The following IREB2 variants were observed in gnomAD, a reference collection of about 807,000 sequenced individuals.
The protein encoded by IREB2 is iron responsive element binding protein 2, also known as iron-responsive element-binding protein 2.
A neutral mutation model predicts 118.8 loss-of-function variants in IREB2; 39 were observed. The ratio of observed to expected loss-of-function variants is 0.33; its 90% CI spans 0.25 to 0.43. The LOEUF (loss-of-function observed/expected upper bound fraction) is 0.43, where lower values mean the gene tolerates loss of function less well. Among genes scored for constraint, IREB2 ranks in the 20% least tolerant of loss-of-function variants. IREB2 has a pLI of 1.00. For synonymous variants in IREB2, 372 were observed against 392.2 expected (o/e 0.95, Z 0.61); for missense variants, 900 against 1,147.3 (o/e 0.78, Z 3.11).
chr15:78,492,360 A>G (rs981966168), intron 18 of IREB2, among the ~76,000 whole-genome samples: 2 of 72,432 alleles, frequency 2.8e-5, no homozygotes, highest in African/African-American at 1.1e-4. Context: ...ACACAATTTT[A>G]CCAAAAATTA....
chr15:78,498,874 GTGACTGTCTGGCAAGCCCCCAGA>G lies in IREB2; in HGVS notation c.*734_*756del, dbSNP rs2051888789. The stretch of plus-strand genomic sequence containing the variant: ...TTTCATATTTCAGCAGTTTGCCACT[GTGACTGTCTGGCAAGCCCCCAGA>G]TGGCGTTATATTAATTGGATTAGAT... On this transcript the variant is annotated 3_prime_UTR_variant, in exon 22 of 22. Transcript: ENST00000258886. 1 of 152,204 alleles carries G rather than the reference GTGACTGTCTGGCAAGCCCCCAGA, an allele frequency of 6.6e-6. No individual in the cohort carries two copies. The highest frequency in any genetic ancestry group is 6.5e-5 in the Admixed American group (1 of 15,274). 9.4% of individuals were successfully genotyped at this position (152,204 alleles called of 1,614,324 possible). A position where few individuals can be genotyped will look rare whatever the true frequency, so the allele number is the denominator to read the frequency against.
In IREB2 at chr15:78,473,171, A is replaced by G. The variant is rs1312339599; in HGVS notation, c.884-71A>G. The stretch of plus-strand genomic sequence containing the variant: ...TAAGATAAGCTCATGAAACACCTAG[A>G]GATTCAGATGTTACAGAGATAAATG... On this transcript the variant is annotated intron_variant, in intron 7 of 21. Coordinates refer to ENST00000258886, the MANE Select transcript of IREB2 (RefSeq NM_004136.4). The G allele has an allele frequency of 6.4e-6, 9 of 1,415,456 alleles. No individual in the cohort carries two copies. In the Admixed American group the frequency reaches 7.3e-5, roughly 11 times the overall value. 87.7% of individuals were successfully genotyped at this position (1,415,456 alleles called of 1,614,324 possible).
At chr15:78,472,632 G>A (rs2051399137) in intron 7 of IREB2, among the ~76,000 whole-genome samples, 2 of 152,168 alleles carry the variant, frequency 1.3e-5, no homozygotes, top group Admixed American at 1.3e-4. Context: ...CTCCCAAAGT[G>A]CTGGGATTAC....
intron 10 of IREB2, among the ~76,000 whole-genome samples, chr15:78,482,508 C>T (rs891340845): frequency 2.0e-5 from 3 of 152,148 alleles, no homozygotes; most frequent in Non-Finnish European, 2.9e-5. Context: ...GGAAAAAGAA[C>T]GCTTTCTCTG....
At chr15:78,496,638 A>G (rs2051842362) in intron 20 of IREB2, among the ~76,000 whole-genome samples, 1 of 152,072 alleles carries the variant, frequency 6.6e-6, no homozygotes, top group African/African-American at 2.4e-5. Context: ...TATATTGCCC[A>G]GGCTGGTCTC....
At chr15:78,475,990 A>G in intron 8 of IREB2, 198 bp from the exon 9 acceptor site, 2 of 413,630 alleles carry the variant, frequency 4.8e-6, no homozygotes, top group Non-Finnish European at 8.6e-6. Context: ...TAACAGTGAC[A>G]TTGGACCAGT....
At chr15:78,493,095 A>C (rs2051778573) in intron 18 of IREB2, among the ~76,000 whole-genome samples, 1 of 152,170 alleles carries the variant, frequency 6.6e-6, no homozygotes, top group East Asian at 1.9e-4. Flanking sequence ...ACTGGATCTG[A>C]CATGTGATTT....
chr15:78,471,993 T>G, intron 7 of IREB2, 69 bp downstream of exon 7: 1 of 1,242,550 alleles, frequency 8.0e-7, no homozygotes, highest in Non-Finnish European at 1.1e-6. Context: ...TAAAAGAACA[T>G]AAATTATTGA....
chr15:78,476,275 A>G lies in IREB2; in HGVS notation c.1111A>G (p.Ile371Val), dbSNP rs779301337. 31 of 1,610,468 alleles carry G rather than the reference A, an allele frequency of 1.9e-5. No homozygotes were observed. The highest frequency in any genetic ancestry group is 1.6e-4 in the African/African-American group (12 of 74,900). The change falls in exon 9 of 22, where the codon ATA becomes GTA. Residue 371 changes from isoleucine (I) to valine (V), a missense_variant. Coordinates refer to ENST00000258886, the MANE Select transcript of IREB2 (RefSeq NM_004136.4). ...ATTATCTATAGTTGATCGAACTACAATAGCAAACATGTGTCCGGAATATGG... is the reference window on the plus strand; with the variant it reads ...ATTATCTATAGTTGATCGAACTACAGTAGCAAACATGTGTCCGGAATATGG... ...SQLSIVDRTT[I>V]ANMCPEYGAI...
intron 2 of IREB2, among the ~76,000 whole-genome samples, chr15:78,443,813 A>AT (rs1341730259): frequency 6.6e-6 from 1 of 151,832 alleles, no homozygotes; most frequent in Non-Finnish European, 1.5e-5. Context: ...CATCCGGCTG[A>AT]TTTTTTATTT....
Position 78,478,372 on chromosome 15 carries a change from C to T in IREB2, c.1271C>T (p.Ser424Phe). The T allele has an allele frequency of 6.2e-7, 1 of 1,607,654 alleles. No homozygotes were observed. The highest frequency in any genetic ancestry group is 2.2e-5 in the East Asian group (1 of 44,852). ...AVKLFRNDQN[S>F]SGEPEYSQVI... Reference sequence around the variant, plus strand: ...AAATTGTTTCGAAATGACCAGAATTCTTCAGGAGAACCTGAATACTCCCAG... The same window carrying T: ...AAATTGTTTCGAAATGACCAGAATTTTTCAGGAGAACCTGAATACTCCCAG... The change falls in exon 10 of 22, where the codon TCT (serine) becomes TTT (phenylalanine). Residue 424 changes from serine to phenylalanine, a missense_variant. Transcript: ENST00000258886.
intron 20 of IREB2, among the ~76,000 whole-genome samples, chr15:78,496,360 A>G (rs1256879548): frequency 1.1e-4 from 17 of 151,902 alleles, no homozygotes; most frequent in Admixed American, 1.1e-3. Flanking sequence ...CTCCACTTAC[A>G]ACCTCAAGTG....
intron 5 of IREB2, among the ~76,000 whole-genome samples, chr15:78,467,792 G>T (rs1243901150): frequency 6.6e-6 from 1 of 152,058 alleles, no homozygotes; most frequent in Non-Finnish European, 1.5e-5. Context: ...TCACTATGTT[G>T]CCCATGCTGG....
intron 2 of IREB2, among the ~76,000 whole-genome samples, chr15:78,448,047 C>T (rs1207662978): frequency 1.3e-5 from 2 of 152,202 alleles, no homozygotes; most frequent in Non-Finnish European, 2.9e-5. Context: ...ATTCTGAGGA[C>T]GTGCCAGTAC....
intron 1 of IREB2, 199 bp downstream of exon 1, chr15:78,438,555 C>T (rs1416213799): frequency 1.2e-5 from 7 of 608,210 alleles, no homozygotes; most frequent in African/African-American, 3.8e-5. Flanking sequence ...GATCCCCACC[C>T]TCCTGCGCGA....
intron 13 of IREB2, 24 bp from the exon 14 acceptor site, chr15:78,487,708 CA>C: frequency 1.6e-6 from 2 of 1,271,642 alleles, no homozygotes; most frequent in Non-Finnish European, 2.3e-6. Context: ...ATGTGCTATT[CA>C]GTCACTTTTT....
chr15:78,473,423 ATTTTT>A (rs1243580406), intron 8 of IREB2, 42 bp downstream of exon 8: 2 of 1,560,682 alleles, frequency 1.3e-6, no homozygotes, highest in African/African-American at 2.7e-5. Context: ...ACTGAACATT[ATTTTT>A]ATAAAAATTG....
chr15:78,463,127 G>T, intron 3 of IREB2, 40 bp downstream of exon 3: 1 of 1,497,788 alleles, frequency 6.7e-7, no homozygotes, highest in South Asian at 1.3e-5. Flanking sequence ...AACTCTTAGA[G>T]TGTGTTTCCT....
At chr15:78,490,909 A>T in intron 18 of IREB2, 148 bp downstream of exon 18, 21 of 638,696 alleles carry the variant, frequency 3.3e-5, no homozygotes, top group Middle Eastern at 4.6e-4. Context: ...GCAAGAATGG[A>T]GAGTGGCGGG....
Sources: allele counts gnomAD v4.1 joint callset (sites outside exome capture counted in the v4.1 genomes callset), GRCh38; gene constraint gnomAD v4.1.1; transcripts MANE v1.5; gene names NCBI Gene and HGNC (gene_info 2026-07-23, HGNC 2026-07-21).